RGS6: variants seen among roughly 807,000 people sequenced by gnomAD.
The protein encoded by RGS6 is regulator of G protein signaling 6, also known as regulator of G-protein signaling 6.
In RGS6, 30 loss-of-function variants were observed where a neutral mutation model predicts 78.5. The ratio of observed to expected loss-of-function variants is 0.38; its 90% CI spans 0.29 to 0.52. RGS6 has a LOEUF of 0.52. RGS6 is among the 20% of genes least tolerant of loss of function. RGS6 has a pLI of 0.85. For synonymous variants in RGS6, 206 were observed against 206.0 expected (o/e 1.00, Z 0.00); for missense variants, 495 against 609.7 (o/e 0.81, Z 1.98).
At chr14:71,978,695 G>A (rs1242603840) in intron 2 of RGS6, among the ~76,000 whole-genome samples, 2 of 151,818 alleles carry the variant, frequency 1.3e-5, no homozygotes, top group African/African-American at 4.8e-5. Flanking sequence ...TTGCATCAAT[G>A]TTCATCAAGG....
At chr14:72,383,201 T>C (rs181186218) in intron 3 of RGS6, among the ~76,000 whole-genome samples, 1 of 118,962 alleles carries the variant, frequency 8.4e-6, no homozygotes, top group Admixed American at 8.9e-5. Context: ...TATATATATA[T>C]ATATATATAT....
At chr14:72,114,920 A>G (rs1268160853) in intron 2 of RGS6, among the ~76,000 whole-genome samples, 1 of 152,262 alleles carries the variant, frequency 6.6e-6, no homozygotes. Context: ...AGTAATTATG[A>G]TAAAGAAAAA....
chr14:72,403,749 G>A (rs1252246346), intron 3 of RGS6, among the ~76,000 whole-genome samples: 1 of 152,002 alleles, frequency 6.6e-6, no homozygotes, highest in Non-Finnish European at 1.5e-5. Context: ...AATAATGTAA[G>A]GAATAAACAA....
At chr14:71,883,350 G>C in the RGS6 span, among the ~76,000 whole-genome samples, 1 of 152,142 alleles carries the variant, frequency 6.6e-6, no homozygotes, top group Non-Finnish European at 1.5e-5. Context: ...CAGCCCCTAT[G>C]TCCTGGAGTC....
At chr14:72,070,335 GAC>G (rs778056133) in intron 2 of RGS6, among the ~76,000 whole-genome samples, 23 of 152,306 alleles carry the variant, frequency 1.5e-4, no homozygotes, top group Non-Finnish European at 3.1e-4. Context: ...TACCAACTGT[GAC>G]TCTTCACATT....
chr14:72,084,202 A>G (rs2094934512), intron 2 of RGS6, among the ~76,000 whole-genome samples: 1 of 152,172 alleles, frequency 6.6e-6, no homozygotes, highest in Non-Finnish European at 1.5e-5. Context: ...TTAGATTCTC[A>G]TAAGGAGTGG....
chr14:72,089,352 A>G (rs779638473), intron 2 of RGS6, among the ~76,000 whole-genome samples: 7 of 152,238 alleles, frequency 4.6e-5, no homozygotes, highest in Non-Finnish European at 8.8e-5. Flanking sequence ...CATCACCTGG[A>G]TGGCATTTAA....
At chr14:72,100,683 T>C (rs745359287) in intron 2 of RGS6, among the ~76,000 whole-genome samples, 1 of 152,214 alleles carries the variant, frequency 6.6e-6, no homozygotes, top group Non-Finnish European at 1.5e-5. Flanking sequence ...CAGTAAATAT[T>C]TGTTCCCTAA....
intron 3 of RGS6, among the ~76,000 whole-genome samples, chr14:72,371,865 T>C (rs947194103): frequency 6.6e-6 from 1 of 152,216 alleles, no homozygotes; most frequent in African/African-American, 2.4e-5. Context: ...ACTGACTCTT[T>C]TTTAGAGAAG....
chr14:72,450,609 C>T (rs576988710), intron 3 of RGS6, among the ~76,000 whole-genome samples: 131 of 152,298 alleles, frequency 8.6e-4, no homozygotes, highest in Non-Finnish European at 5.1e-4. Flanking sequence ...TTCAACATAG[C>T]ATTTGTTATG....
intron 2 of RGS6, among the ~76,000 whole-genome samples, chr14:72,306,496 C>T (rs2067272167): frequency 6.6e-6 from 1 of 152,174 alleles, no homozygotes; most frequent in South Asian, 2.1e-4. Context: ...TTGAAACACT[C>T]CTGGAAAGGA....
At chr14:72,123,129 G>A (rs2096097403) in intron 2 of RGS6, among the ~76,000 whole-genome samples, 1 of 152,120 alleles carries the variant, frequency 6.6e-6, no homozygotes, top group Non-Finnish European at 1.5e-5. Flanking sequence ...ACCACACCTG[G>A]CTAATTTTGT....
intron 2 of RGS6, among the ~76,000 whole-genome samples, chr14:72,032,127 T>C (rs571783943): frequency 6.6e-6 from 1 of 152,346 alleles, no homozygotes; most frequent in East Asian, 1.9e-4. Flanking sequence ...CACCTTTTTT[T>C]CAGTGCTGTG....
intron 2 of RGS6, among the ~76,000 whole-genome samples, chr14:72,101,198 C>A (rs566821313): frequency 6.6e-6 from 1 of 152,136 alleles, no homozygotes; most frequent in Admixed American, 6.5e-5. Context: ...AAACAAAAAC[C>A]TTTGTGTCCA....
In RGS6 at chr14:71,962,857, A is replaced by G. The variant is rs540612262; in HGVS notation, c.-20-1915A>G. Among the ~76,000 whole-genome samples, 575 of 152,320 alleles carry G rather than the reference A, an allele frequency of 3.8e-3. 1 individual carries two copies. Among genetic ancestry groups the G allele is most frequent in the African/African-American group, 0.013 (546 of 41,568 alleles). ...TTGTTTTTATGGAATGACCTTTGGT[A>G]GCAACTTGTTTTATAATAAAATGTT... On this transcript the variant is annotated intron_variant, in intron 1 of 17. Transcript: ENST00000553525.
At chr14:72,515,758 A>T (rs2153456305) in intron 14 of RGS6, 1 of 152,388 alleles carries the variant, frequency 6.6e-6, no homozygotes, top group Non-Finnish European at 1.5e-5. Context: ...CACCCAAATC[A>T]TCCTGCAAAA....
At chr14:71,935,410 C>A (rs920917135) in intron 1 of RGS6, among the ~76,000 whole-genome samples, 1 of 152,162 alleles carries the variant, frequency 6.6e-6, no homozygotes, top group Non-Finnish European at 1.5e-5. Flanking sequence ...CCCCCTCCCC[C>A]ACACATTTTT....
At chr14:72,109,412 T>C (rs879317316) in intron 2 of RGS6, among the ~76,000 whole-genome samples, 12 of 152,204 alleles carry the variant, frequency 7.9e-5, no homozygotes, top group Non-Finnish European at 1.6e-4. Flanking sequence ...ACCACTGCCA[T>C]CTCCTCAGGA....
At chr14:72,374,535 T>C (rs1484737631) in intron 3 of RGS6, among the ~76,000 whole-genome samples, 2 of 152,220 alleles carry the variant, frequency 1.3e-5, no homozygotes, top group Admixed American at 6.5e-5. Flanking sequence ...AATTTAAACT[T>C]TCTCTATTTC....
Sources: gnomAD v4.1 joint callset for allele counts (sites outside exome capture counted in the v4.1 genomes callset) on GRCh38, gnomAD v4.1.1 for gene constraint, MANE v1.5 for transcripts, NCBI Gene and HGNC (gene_info 2026-07-23, HGNC 2026-07-21) for gene names.